ASL: variants seen among roughly 807,000 people sequenced by gnomAD.
The protein encoded by ASL is argininosuccinate lyase.
A neutral mutation model predicts 69.1 loss-of-function variants in ASL; 51 were observed. The observed-to-expected ratio is 0.74, with a 90% CI of 0.59 to 0.93. The LOEUF (loss-of-function observed/expected upper bound fraction) is 0.93. Ranked by LOEUF, ASL falls within the 40% of genes least tolerant of loss-of-function variation. The pLI, the probability that ASL is intolerant of heterozygous loss-of-function variation, is 0.00. For missense variants in ASL, 540 were observed against 623.9 expected (o/e 0.87, Z 1.43); for synonymous variants, 241 against 247.6 (o/e 0.97, Z 0.25).
chr7:66,089,093 C>T lies in ASL; in HGVS notation c.836C>T (p.Thr279Met), dbSNP rs781340332. The change falls in exon 12 of 17, where the codon ACG becomes ATG. Residue 279 changes from threonine (T) to methionine (M), a missense_variant and splice_region_variant. Thr to Met is a moderately conservative substitution (Grantham distance 81). Transcript: ENST00000304874. ...SFVQLSDAYS[T>M]GSSLMPQKKN... ...AGCGCCAGCACCTCTGTCCCCAGCA[C>T]GGGAAGCAGCCTGATGCCCCAGAAG... is the stretch of plus-strand genomic sequence containing the variant. 2.5e-6 allele frequency: 4 copies of T among 1,613,916 alleles called. No individual in the cohort carries two copies. Among genetic ancestry groups the T allele is most frequent in the East Asian group, 2.2e-5 (1 of 44,862 alleles).
chr7:66,083,053 G>A, intron 5 of ASL, 24 bp from the exon 6 acceptor site: 5 of 1,613,596 alleles, frequency 3.1e-6, no homozygotes, highest in Non-Finnish European at 4.2e-6. Context: ...CGGCCTCCCT[G>A]AGCACCATCT....
Position 66,082,458 on chromosome 7 carries a change from C to T in ASL, c.291+7C>T. The T allele has an allele frequency of 1.2e-6, 2 of 1,606,962 alleles. No homozygotes were observed. The highest frequency in any genetic ancestry group is 4.5e-5 in the East Asian group (2 of 44,670). ...CAATGAGCGCCGCCTGAAGGTACGA[C>T]CCCTGGAGCCCCACCGCTTTCCTTG... On this transcript the variant is annotated splice_region_variant and intron_variant, in intron 4 of 16. Coordinates refer to ENST00000304874, the MANE Select transcript of ASL (RefSeq NM_000048.4).
Position 66,092,598 on chromosome 7 carries a change from G to C in ASL, c.1185G>C (p.Val395=), listed in dbSNP as rs371336813. The C allele has an allele frequency of 4.3e-6, 7 of 1,612,696 alleles. No individual in the cohort carries two copies. The African/African-American group carries it at 9.3e-5, about 21-fold the overall frequency. ...RQAHEASGKA[V]FMAETKGVAL... Reference sequence around the variant, plus strand: ...CCCACGAGGCCTCCGGGAAAGCTGTGTTCATGGCCGAGACCAAGGGGGTCG... The same window carrying C: ...CCCACGAGGCCTCCGGGAAAGCTGTCTTCATGGCCGAGACCAAGGGGGTCG... The change falls in exon 16 of 17, where the codon GTG becomes GTC. Residue 395 remains valine (V), a synonymous_variant. Coordinates refer to ENST00000304874, the MANE Select transcript of ASL (RefSeq NM_000048.4).
intron 2 of ASL, among the ~76,000 whole-genome samples, chr7:66,079,581 C>G (rs1786443711): frequency 6.6e-6 from 1 of 152,116 alleles, no homozygotes; most frequent in Admixed American, 6.6e-5. Flanking sequence ...ATAGTGAGAC[C>G]CTGTCTCTAC....
chr7:66,075,994 G>C, intron 1 of ASL, 45 bp from the exon 2 acceptor site: 1 of 1,536,356 alleles, frequency 6.5e-7, no homozygotes, highest in African/African-American at 1.4e-5. Flanking sequence ...CGGCCCGGGG[G>C]ACCCTGCTGG....
intron 6 of ASL, among the ~76,000 whole-genome samples, chr7:66,084,865 C>T (rs1408330257): frequency 6.6e-6 from 1 of 152,108 alleles, no homozygotes; most frequent in Non-Finnish European, 1.5e-5. Flanking sequence ...ATGATCCACC[C>T]ACCTCGGACT....
chr7:66,077,205 G>A (rs972395142), intron 2 of ASL, among the ~76,000 whole-genome samples: 1 of 152,150 alleles, frequency 6.6e-6, no homozygotes, highest in Non-Finnish European at 1.5e-5. Context: ...GAGGCGGGAG[G>A]ACTGCTGAAG....
At position 66,092,170 on chromosome 7, in the gene ASL, G is replaced by T. The variant is rs113312083; in HGVS notation, c.1143+84G>T. On this transcript the variant is annotated intron_variant, in intron 15 of 16. Transcript: ENST00000304874. ...GGGGAGCTCAGGAATGGGTGCAAGC[G>T]GCCCAGCCTGGTGGCTCACCCCTGT... 4.9e-5 allele frequency: 74 copies of T among 1,508,728 alleles called. 4 individuals are homozygous for T. The African/African-American group carries it at 6.6e-4, about 13-fold the overall frequency. The allele number at this position is 1,508,728 out of a possible 1,614,324, so 93.5% of individuals were successfully genotyped here.
rs1786744173 is a variant in ASL at position 66,088,750 on chromosome 7, A to G, written c.719-57A>G. ...CGCCTAACCTCCTCCTGCCCCCTGTATGGTCAGGCTGGGTGGGGATGGGAG... is the reference window on the plus strand; with the variant it reads ...CGCCTAACCTCCTCCTGCCCCCTGTGTGGTCAGGCTGGGTGGGGATGGGAG... On this transcript the variant is annotated intron_variant, in intron 10 of 16. Coordinates refer to ENST00000304874, the MANE Select transcript of ASL (RefSeq NM_000048.4). 4.8e-6 allele frequency: 7 copies of G among 1,469,870 alleles called. No homozygotes were observed. The African/African-American group carries it at 6.9e-5, about 15-fold the overall frequency. The allele number at this position is 1,469,870 out of a possible 1,614,324, so 91.1% of individuals were successfully genotyped here. A position where few individuals can be genotyped will look rare whatever the true frequency, so the allele number is the denominator to read the frequency against.
chr7:66,080,247 A>G (rs1249986587), intron 2 of ASL, among the ~76,000 whole-genome samples: 6 of 151,200 alleles, frequency 4.0e-5, no homozygotes, highest in South Asian at 2.1e-4. Flanking sequence ...TTAGCCAGGC[A>G]TGGTGGTGGG....
At chr7:66,081,451 G>A (rs1786500829) in intron 2 of ASL, among the ~76,000 whole-genome samples, 7 of 152,114 alleles carry the variant, frequency 4.6e-5, no homozygotes, top group Admixed American at 3.9e-4. Flanking sequence ...GTGGTGGCAC[G>A]TGCCTGTAAT....
rs1786710900 is a variant in ASL at position 66,087,709 on chromosome 7, G to A, written c.656-20G>A. The A allele has an allele frequency of 6.2e-7, 1 of 1,614,002 alleles. No individual in the cohort carries two copies. Among genetic ancestry groups the A allele is most frequent in the Non-Finnish European group, 8.5e-7 (1 of 1,179,988 alleles). On this transcript the variant is annotated intron_variant, in intron 9 of 16. Coordinates refer to ENST00000304874, the MANE Select transcript of ASL (RefSeq NM_000048.4). ...ACTCCCTGTCCTCCAGCTTAGCCCT[G>A]CTTCCTCCCACCCCCCCAGAACTCA...
intron 2 of ASL, among the ~76,000 whole-genome samples, chr7:66,077,044 T>C (rs546651061): frequency 6.6e-6 from 1 of 152,302 alleles, no homozygotes; most frequent in East Asian, 1.9e-4. Flanking sequence ...TTAAACCTCT[T>C]TCCTCATTTG....
intron 6 of ASL, 58 bp downstream of exon 6, chr7:66,083,232 G>C: frequency 6.3e-7 from 1 of 1,577,058 alleles, no homozygotes; most frequent in Non-Finnish European, 8.7e-7. Context: ...GCCTGAACAG[G>C]AGACCTAGGG....
intron 14 of ASL, among the ~76,000 whole-genome samples, chr7:66,090,396 C>T (rs1786808824): frequency 6.6e-6 from 1 of 152,108 alleles, no homozygotes; most frequent in Admixed American, 6.6e-5. Context: ...ACCTCAGTCT[C>T]CAGAGTAGCT....
Position 66,087,342 on chromosome 7 carries a change from T to C in ASL, c.611T>C (p.Ile204Thr), listed in dbSNP as rs745502369. ...INVLPLGSGA[I>T]AGNPLGVDRE... Reference sequence around the variant, plus strand: ...AATCCCTGTCCCTGCAGTGGGGCCATTGCAGGCAATCCCCTGGGTGTGGAC... The same window carrying C: ...AATCCCTGTCCCTGCAGTGGGGCCACTGCAGGCAATCCCCTGGGTGTGGAC... The change falls in exon 9 of 17, where the codon ATT (isoleucine) becomes ACT (threonine). Residue 204 changes from isoleucine (I) to threonine (T), a missense_variant. Physicochemically the swap from Ile to Thr is moderately conservative, Grantham distance 89. Transcript: ENST00000304874. 3.7e-5 allele frequency: 59 copies of C among 1,604,610 alleles called. No individual in the cohort carries two copies. Among genetic ancestry groups the C allele is most frequent in the Non-Finnish European group, 4.7e-5 (55 of 1,179,762 alleles).
rs940600301 is a variant in ASL at position 66,092,782 on chromosome 7, G to A, written c.1265G>A (p.Gly422Asp). Residue 422 changes from glycine to aspartate, a missense_variant, in exon 17 of 17, where the codon GGC becomes GAC. Coordinates refer to ENST00000304874, the MANE Select transcript of ASL (RefSeq NM_000048.4). ...TCTCTCCCCAGCCCCCTGTTCTCGG[G>A]CGACGTGATCTGCGTGTGGGACTAC... ...ELQTISPLFS[G>D]DVICVWDYGH... is the part of the protein sequence containing the mutation. 3 of 1,613,888 alleles carry A rather than the reference G, an allele frequency of 1.9e-6. No homozygotes were observed. The highest frequency in any genetic ancestry group is 2.5e-6 in the Non-Finnish European group (3 of 1,179,996).
At position 66,087,749 on chromosome 7, in the gene ASL, A is replaced by T; in HGVS notation, c.676A>T (p.Thr226Ser). ...CCCAGAACTCAACTTTGGGGCCATC[A>T]CTCTCAACAGCATGGATGCCACTAG... ...LRAELNFGAITLNSMDATSER... is the reference protein window; with the variant it reads ...LRAELNFGAISLNSMDATSER... The change falls in exon 10 of 17, where the codon ACT (threonine) becomes TCT (serine). Residue 226 changes from threonine (T) to serine (S), a missense_variant. Transcript: ENST00000304874. The T allele has an allele frequency of 6.2e-7, 1 of 1,613,654 alleles. No individual in the cohort carries two copies. The highest frequency in any genetic ancestry group is 8.5e-7 in the Non-Finnish European group (1 of 1,179,894).
At chr7:66,090,794 T>C (rs887114970) in intron 14 of ASL, among the ~76,000 whole-genome samples, 4 of 152,020 alleles carry the variant, frequency 2.6e-5, no homozygotes, top group African/African-American at 9.7e-5. Context: ...GTTCAGGATA[T>C]GTCTTGAAAT....
Sources: gnomAD v4.1 joint callset for allele counts (sites outside exome capture counted in the v4.1 genomes callset) on GRCh38, gnomAD v4.1.1 for gene constraint, MANE v1.5 for transcripts, NCBI Gene and HGNC (gene_info 2026-07-23, HGNC 2026-07-21) for gene names.